The following SP100 variants were observed in gnomAD, a reference collection of about 807,000 sequenced individuals.
The protein encoded by SP100 is SP100 nuclear body protein.
In SP100, 84 loss-of-function variants were observed where a neutral mutation model predicts 130.0. That is an observed-to-expected ratio of 0.65 (90% CI 0.54 to 0.77). The LOEUF (loss-of-function observed/expected upper bound fraction) is 0.77, where lower values mean the gene tolerates loss of function less well. SP100 is among the 30% of genes least tolerant of loss of function. The pLI is 0.00. For synonymous variants in SP100, 331 were observed against 351.7 expected, an observed-to-expected ratio of 0.94 and a Z score of 0.66; for missense variants, 978 against 1,052.2, an observed-to-expected ratio of 0.93 and a Z score of 0.97.
intron 17 of SP100, among the ~76,000 whole-genome samples, chr2:230,490,784 A>T (rs1014077857): frequency 1.3e-5 from 2 of 151,670 alleles, no homozygotes; most frequent in Non-Finnish European, 1.5e-5. Context: ...TGTATTGAAA[A>T]TTTTTTTTTA....
intron 21 of SP100, 101 bp from the exon 22 acceptor site, chr2:230,506,202 G>T (rs1690086956): frequency 2.4e-6 from 3 of 1,274,164 alleles, no homozygotes; most frequent in South Asian, 1.4e-5. Context: ...TTACTGCTAC[G>T]ATCCTAAGCC....
chr2:230,541,998 T>C lies in SP100; in HGVS notation c.2510T>C (p.Met837Thr). Residue 837 changes from methionine (M) to threonine (T), a missense_variant, in exon 28 of 29, where the codon ATG (methionine) becomes ACG (threonine). By Grantham distance (81) the Met-to-Thr change is moderately conservative. Transcript: ENST00000340126. Reference protein sequence around the residue: ...YTRVEGFVQDMRLIFHNHKEF... With the variant: ...YTRVEGFVQDTRLIFHNHKEF... ...CGAGTAGAAGGGTTTGTGCAGGACA[T>C]GCGTCTCATCTTTCATAACCACAAG... 6.2e-7 allele frequency: 1 copy of C among 1,614,118 alleles called. No homozygotes were observed. Among genetic ancestry groups the C allele is most frequent in the Non-Finnish European group, 8.5e-7 (1 of 1,179,972 alleles).
chr2:230,425,427 T>C (rs1323004773), intron 2 of SP100, among the ~76,000 whole-genome samples: 1 of 152,242 alleles, frequency 6.6e-6, no homozygotes, highest in African/African-American at 2.4e-5. Context: ...TATGGTATAT[T>C]TCATTTATAC....
chr2:230,438,662 C>A (rs1288128588), intron 2 of SP100, among the ~76,000 whole-genome samples: 1 of 148,638 alleles, frequency 6.7e-6, no homozygotes, highest in Non-Finnish European at 1.5e-5. Context: ...CACACACACA[C>A]ACACACACAC....
At chr2:230,464,769 A>G (rs1369969941) in intron 11 of SP100, among the ~76,000 whole-genome samples, 2 of 152,202 alleles carry the variant, frequency 1.3e-5, no homozygotes, top group African/African-American at 4.8e-5. Context: ...CCTGCTTTAT[A>G]TGTGAGAAAA....
intron 18 of SP100, among the ~76,000 whole-genome samples, chr2:230,495,401 C>T (rs2066613854): frequency 6.6e-6 from 1 of 152,198 alleles, no homozygotes; most frequent in African/African-American, 2.4e-5. Context: ...CAGCTCACTG[C>T]AACCTCTGCC....
At chr2:230,497,921 G>A (rs879063005) in intron 18 of SP100, among the ~76,000 whole-genome samples, 3 of 152,146 alleles carry the variant, frequency 2.0e-5, no homozygotes, top group Admixed American at 2.0e-4. Context: ...CTAAGATGGT[G>A]GCTAGTGTGT....
chr2:230,459,559 G>A (rs2064472415), intron 8 of SP100, among the ~76,000 whole-genome samples: 1 of 152,192 alleles, frequency 6.6e-6, no homozygotes, highest in Admixed American at 6.5e-5. Flanking sequence ...AAGACCTGAA[G>A]AACATCTCTC....
intron 24 of SP100, among the ~76,000 whole-genome samples, chr2:230,526,241 C>T (rs1691420024): frequency 6.6e-6 from 1 of 152,190 alleles, no homozygotes; most frequent in Non-Finnish European, 1.5e-5. Flanking sequence ...TGCTGTTTTG[C>T]AGCCTCTGGT....
At chr2:230,525,552 G>T (rs1165023220) in intron 24 of SP100, among the ~76,000 whole-genome samples, 2 of 152,136 alleles carry the variant, frequency 1.3e-5, no homozygotes, top group Non-Finnish European at 2.9e-5. Flanking sequence ...TCATCTCATT[G>T]GGACTGGTTG....
rs200424374 is a variant in SP100, at chr2:230,482,528, C to T, written c.1600+8081C>T. Among the ~76,000 whole-genome samples the T allele has an allele frequency of 2.6e-5, 4 of 151,982 alleles. No homozygotes were observed. The East Asian group carries it at 5.8e-4, about 22-fold the overall frequency. ...TGCTTTTGGGAATATTAGGTGGAGA[C>T]ATTCTTATTTTTTTTCTCATTTGGA... On this transcript the variant is annotated intron_variant, in intron 17 of 28. Coordinates refer to ENST00000340126, the MANE Select transcript of SP100 (RefSeq NM_001080391.2).
intron 8 of SP100, among the ~76,000 whole-genome samples, chr2:230,459,972 C>T (rs553242765): frequency 6.6e-6 from 1 of 152,214 alleles, no homozygotes; most frequent in African/African-American, 2.4e-5. Context: ...CGTCACCCAC[C>T]TCTCGCCCTT....
At chr2:230,431,309 G>A (rs541226369) in intron 2 of SP100, among the ~76,000 whole-genome samples, 1 of 152,184 alleles carries the variant, frequency 6.6e-6, no homozygotes, top group Non-Finnish European at 1.5e-5. Flanking sequence ...AGAATGCCAG[G>A]GAAGCTGGGT....
At chr2:230,429,741 G>T (rs138576060) in intron 2 of SP100, among the ~76,000 whole-genome samples, 1 of 151,550 alleles carries the variant, frequency 6.6e-6, no homozygotes, top group African/African-American at 2.4e-5. Context: ...TGAGTCATCT[G>T]TTAAAGCTCT....
chr2:230,508,194 C>G, intron 23 of SP100, 163 bp downstream of exon 23: 2 of 1,179,280 alleles, frequency 1.7e-6, no homozygotes, highest in East Asian at 5.3e-5. Context: ...ATGTATAAGT[C>G]CAGGGCTCCT....
intron 2 of SP100, among the ~76,000 whole-genome samples, chr2:230,421,595 A>T (rs1479901616): frequency 6.6e-6 from 1 of 151,592 alleles, no homozygotes; most frequent in African/African-American, 2.4e-5. Context: ...TGGAAAAAAA[A>T]TTTTATCCTT....
At chr2:230,421,298 G>A (rs974157587) in intron 2 of SP100, among the ~76,000 whole-genome samples, 2 of 151,934 alleles carry the variant, frequency 1.3e-5, no homozygotes, top group African/African-American at 2.4e-5. Flanking sequence ...ACTTTCTTGG[G>A]GAAACCCTCC....
intron 24 of SP100, among the ~76,000 whole-genome samples, chr2:230,525,779 G>A (rs1320524204): frequency 2.6e-5 from 4 of 152,246 alleles, no homozygotes; most frequent in African/African-American, 9.6e-5. Flanking sequence ...CGCACCCACA[G>A]AGCCTTGCTC....
chr2:230,437,848 G>A (rs1404539663), intron 2 of SP100, among the ~76,000 whole-genome samples: 3 of 152,158 alleles, frequency 2.0e-5, no homozygotes, highest in East Asian at 1.9e-4. Flanking sequence ...GAGCCACTGC[G>A]CCCAGCCGTG....
Sources: allele counts gnomAD v4.1 joint callset (sites outside exome capture counted in the v4.1 genomes callset), GRCh38; gene constraint gnomAD v4.1.1; transcripts MANE v1.5; gene names NCBI Gene and HGNC (gene_info 2026-07-23, HGNC 2026-07-21).